PDZD8: variants seen among roughly 807,000 people sequenced by gnomAD.
The protein encoded by PDZD8 is PDZ domain containing 8, also known as PDZ domain-containing protein 8.
In PDZD8, 14 loss-of-function variants were observed where a neutral mutation model predicts 85.8. The ratio of observed to expected loss-of-function variants is 0.16; its 90% CI spans 0.11 to 0.26. The LOEUF is 0.26. Among genes scored for constraint, PDZD8 ranks in the 10% least tolerant of loss-of-function variants. PDZD8 has a pLI of 1.00. For synonymous variants in PDZD8, 592 were observed against 568.6 expected (o/e 1.04, Z -0.59); for missense variants, 1,197 against 1,424.3 (o/e 0.84, Z 2.57).
intron 2 of PDZD8, among the ~76,000 whole-genome samples, chr10:117,326,768 G>T (rs1844324117): frequency 6.6e-6 from 1 of 152,132 alleles, no homozygotes; most frequent in South Asian, 2.1e-4. Context: ...TGGGAAGCTG[G>T]ATAATAGAAT....
intron 1 of PDZD8, among the ~76,000 whole-genome samples, chr10:117,369,136 A>T (rs1371651361): frequency 6.6e-6 from 1 of 150,558 alleles, no homozygotes; most frequent in African/African-American, 2.4e-5. Flanking sequence ...GCCAGGCCTG[A>T]CAATGTCTTT....
intron 2 of PDZD8, among the ~76,000 whole-genome samples, chr10:117,336,103 T>C (rs964334201): frequency 2.6e-5 from 4 of 152,242 alleles, no homozygotes; most frequent in Non-Finnish European, 5.9e-5. Flanking sequence ...ATTTGTTTCA[T>C]ATACACTTTA....
In PDZD8 at chr10:117,373,770, ACT is replaced by A. The variant is rs994605519; in HGVS notation, c.872+584_872+585del. ...ACTCCAGCCTGGGCGACACAGCAAGACTCTGTCTCAAAAACAAAAACAAAAAA... is the reference window on the plus strand; with the variant it reads ...ACTCCAGCCTGGGCGACACAGCAAGACTGTCTCAAAAACAAAAACAAAAAA... On this transcript the variant is annotated intron_variant, in intron 1 of 4. Coordinates refer to ENST00000334464, the MANE Select transcript of PDZD8 (RefSeq NM_173791.5). Among the ~76,000 whole-genome samples, 13 of 146,068 alleles carry A rather than the reference ACT, an allele frequency of 8.9e-5. No homozygotes were observed. The South Asian group carries it at 1.8e-3, about 20-fold the overall frequency.
At chr10:117,356,570 C>CAA in intron 1 of PDZD8, among the ~76,000 whole-genome samples, 1 of 152,240 alleles carries the variant, frequency 6.6e-6, no homozygotes, top group East Asian at 1.9e-4. Flanking sequence ...TAAGTGTTCC[C>CAA]AACTAACAAG....
At chr10:117,288,457 CT>C (rs1415978299) in intron 4 of PDZD8, among the ~76,000 whole-genome samples, 1 of 151,770 alleles carries the variant, frequency 6.6e-6, no homozygotes. Context: ...CAAGGTTTTT[CT>C]TTTTTTTAAA....
chr10:117,323,544 G>T (rs1217117718), intron 2 of PDZD8, among the ~76,000 whole-genome samples: 1 of 152,094 alleles, frequency 6.6e-6, no homozygotes, highest in African/African-American at 2.4e-5. Flanking sequence ...ATCCAGGGAA[G>T]AACTTCAAAA....
chr10:117,294,424 GC>G (rs1334722518), intron 3 of PDZD8, among the ~76,000 whole-genome samples: 1 of 152,014 alleles, frequency 6.6e-6, no homozygotes. Context: ...ATTAGTTACA[GC>G]TATTATGAAA....
At chr10:117,347,296 A>T (rs1377806785) in intron 1 of PDZD8, among the ~76,000 whole-genome samples, 1 of 152,170 alleles carries the variant, frequency 6.6e-6, no homozygotes, top group East Asian at 1.9e-4. Flanking sequence ...AATAAATAAG[A>T]ACGCTGGTCT....
At chr10:117,361,017 A>T (rs1375555719) in intron 1 of PDZD8, among the ~76,000 whole-genome samples, 2 of 152,212 alleles carry the variant, frequency 1.3e-5, no homozygotes, top group South Asian at 2.1e-4. Context: ...GAATATATAA[A>T]GCTCACATTC....
chr10:117,315,859 T>C (rs916489106), intron 3 of PDZD8, among the ~76,000 whole-genome samples: 1 of 152,184 alleles, frequency 6.6e-6, no homozygotes, highest in African/African-American at 2.4e-5. Context: ...TATTTATAGA[T>C]ATTTTTATAG....
chr10:117,310,956 G>A (rs1388477640), intron 3 of PDZD8, among the ~76,000 whole-genome samples: 2 of 152,054 alleles, frequency 1.3e-5, no homozygotes, highest in South Asian at 2.1e-4. Flanking sequence ...AGTTCTTTAG[G>A]AAGCTCTTTT....
chr10:117,359,485 C>T (rs1564712382), intron 1 of PDZD8, among the ~76,000 whole-genome samples: 1 of 150,104 alleles, frequency 6.7e-6, no homozygotes, highest in South Asian at 2.1e-4. Context: ...CCGAGGCGGG[C>T]GATCACTTGA....
chr10:117,332,013 C>A (rs990038457), intron 2 of PDZD8, among the ~76,000 whole-genome samples: 1 of 152,162 alleles, frequency 6.6e-6, no homozygotes, highest in Non-Finnish European at 1.5e-5. Flanking sequence ...CGGAAAACAT[C>A]ACTCAACTTT....
At chr10:117,328,964 C>T (rs1030085052) in intron 2 of PDZD8, among the ~76,000 whole-genome samples, 3 of 152,162 alleles carry the variant, frequency 2.0e-5, no homozygotes, top group African/African-American at 4.8e-5. Context: ...CCACTGGAAA[C>T]GTGAGTACCA....
intron 3 of PDZD8, among the ~76,000 whole-genome samples, chr10:117,316,863 A>G (rs1312339863): frequency 6.6e-6 from 1 of 152,188 alleles, no homozygotes; most frequent in African/African-American, 2.4e-5. Flanking sequence ...CATAGGACTC[A>G]CTTCTGGCCA....
At chr10:117,319,648 G>A (rs1844194931) in intron 2 of PDZD8, among the ~76,000 whole-genome samples, 1 of 151,904 alleles carries the variant, frequency 6.6e-6, no homozygotes, top group South Asian at 2.1e-4. Context: ...CAATTGTCAA[G>A]GAATACTGGC....
chr10:117,285,219 A>C lies in PDZD8; in HGVS notation c.1514T>G (p.Val505Gly). 6.2e-7 allele frequency: 1 copy of C among 1,614,190 alleles called. No homozygotes were observed. Among genetic ancestry groups the C allele is most frequent in the Non-Finnish European group, 8.5e-7 (1 of 1,180,040 alleles). ...ATCTTTGAACTCATTTTGTGCTCTG[A>C]CATCACTTGCCAAGTCTTCAAATTC... ...DSEFEDLASD[V>G]RAQNEFKDEA... is the part of the protein sequence containing the mutation. Residue 505 changes from valine (V) to glycine (G), a missense_variant, in exon 5 of 5, where the codon GTC becomes GGC. This residue lies in a region of PDZD8 where 263 missense variants were observed against 261.9 expected (regional missense o/e 1.00). Coordinates refer to ENST00000334464, the MANE Select transcript of PDZD8 (RefSeq NM_173791.5).
At chr10:117,307,676 T>C (rs1843966737) in intron 3 of PDZD8, among the ~76,000 whole-genome samples, 1 of 152,072 alleles carries the variant, frequency 6.6e-6, no homozygotes, top group African/African-American at 2.4e-5. Flanking sequence ...AATATCAATG[T>C]AAACCAACAT....
intron 3 of PDZD8, among the ~76,000 whole-genome samples, chr10:117,305,503 CACACACACACACAT>C (rs1564693533): frequency 2.3e-4 from 23 of 101,260 alleles, no homozygotes; most frequent in East Asian, 1.9e-3. Flanking sequence ...CACACACACA[CACACACACACACAT>C]ATATGGAGAG....
Sources: gnomAD v4.1 joint callset for allele counts (sites outside exome capture counted in the v4.1 genomes callset) on GRCh38, gnomAD v4.1.1 for gene constraint, gnomAD v4.1.1 regional missense constraint, MANE v1.5 for transcripts, NCBI Gene and HGNC (gene_info 2026-07-23, HGNC 2026-07-21) for gene names.